Variants in ADGRF4 observed in about 807,000 individuals in gnomAD.
ADGRF4 encodes adhesion G protein-coupled receptor F4.
Under a neutral mutation model 58.5 loss-of-function variants are expected in ADGRF4, and 63 were observed. The observed-to-expected ratio is 1.08, with a 90% CI of 0.88 to 1.33. The LOEUF is 1.33. Among genes scored for constraint, ADGRF4 ranks in the 40% most tolerant of loss-of-function variants. The pLI is 0.00. For missense variants in ADGRF4, 931 were observed against 843.9 expected (o/e 1.10, Z -1.28); for synonymous variants, 313 against 295.4 (o/e 1.06, Z -0.61).
intron 5 of ADGRF4, among the ~76,000 whole-genome samples, chr6:47,713,149 G>A (rs2113903615): frequency 6.6e-6 from 1 of 152,312 alleles, no homozygotes; most frequent in East Asian, 1.9e-4. Flanking sequence ...AGGTGGAACA[G>A]TTTCATCCTG....
In ADGRF4 at chr6:47,714,289, G is replaced by A. The variant is rs764872187; in HGVS notation, c.1044G>A (p.Gln348=). 1.9e-6 allele frequency: 3 copies of A among 1,614,196 alleles called. No homozygotes were observed. The highest frequency in any genetic ancestry group is 1.3e-5 in the African/African-American group (1 of 75,052). Reference sequence around the variant, plus strand: ...ATAAAACCCGCAATGCCAGAGCCCAGTGTGTTGGCTGGCACTCCAAGAAAA... The same window carrying A: ...ATAAAACCCGCAATGCCAGAGCCCAATGTGTTGGCTGGCACTCCAAGAAAA... ...KINKTRNARA[Q]CVGWHSKKRR... is the part of the protein sequence containing the mutation. The change falls in exon 6 of 10, where the codon CAG becomes CAA. Residue 348 remains glutamine, a synonymous_variant. Transcript: ENST00000283303.
chr6:47,708,299 C>A (rs1334684909), intron 3 of ADGRF4, 21 bp downstream of exon 3: 1 of 1,582,066 alleles, frequency 6.3e-7, no homozygotes, highest in Non-Finnish European at 8.7e-7. Flanking sequence ...ATAGAACAGT[C>A]TTCATCCATT....
At position 47,716,815 on chromosome 6, in the gene ADGRF4, A is replaced by G. The variant is rs1002100269; in HGVS notation, c.1942A>G (p.Ile648Val). ...ALLNAFQGFF[I>V]LLFGTIMDHK... The stretch of plus-strand genomic sequence containing the variant: ...TTCAATTTTGCCACAGGGTTTTTTC[A>G]TCCTGCTGTTTGGAACCATTATGGA... Residue 648 changes from isoleucine (I) to valine (V), a missense_variant, in exon 7 of 10, where the codon ATC becomes GTC. Transcript: ENST00000283303. 1.9e-6 allele frequency: 3 copies of G among 1,602,454 alleles called. No individual in the cohort carries two copies. Among genetic ancestry groups the G allele is most frequent in the African/African-American group, 2.7e-5 (2 of 74,360 alleles).
chr6:47,716,521 A>C (rs1465578981), intron 6 of ADGRF4, among the ~76,000 whole-genome samples: 1 of 152,204 alleles, frequency 6.6e-6, no homozygotes, highest in Non-Finnish European at 1.5e-5. Flanking sequence ...TTTGGGAAGA[A>C]AGTAACATAA....
In ADGRF4 at chr6:47,717,181, T is replaced by G. The variant is rs568366121; in HGVS notation, c.1975-111T>G. 1.8e-4 allele frequency: 144 copies of G among 792,970 alleles called. 2 individuals are homozygous for G. The highest frequency in any genetic ancestry group is 1.0e-3 in the South Asian group (75 of 72,862). The allele number at this position is 792,970 out of a possible 1,614,324, so 49.1% of individuals were successfully genotyped here. On this transcript the variant is annotated intron_variant, in intron 7 of 9. Coordinates refer to ENST00000283303, the MANE Select transcript of ADGRF4 (RefSeq NM_153838.5). ...GTTACTTGCCAGTCACTATGCTAAG[T>G]CCTCTGATATTGCTTCTGCCAGGGT... is the stretch of plus-strand genomic sequence containing the variant.
At chr6:47,708,192 A>G (rs1429137719) in intron 2 of ADGRF4, 32 bp from the exon 3 acceptor site, 1 of 1,562,576 alleles carries the variant, frequency 6.4e-7, no homozygotes, top group Admixed American at 1.7e-5. Flanking sequence ...GTCCCACAGT[A>G]AAGAGGACCA....
Position 47,721,240 on chromosome 6 carries a change from CA to C in ADGRF4, c.*37del. On this transcript the variant is annotated 3_prime_UTR_variant, in exon 10 of 10. Coordinates refer to ENST00000283303, the MANE Select transcript of ADGRF4 (RefSeq NM_153838.5). ...CCATTTCTCATGGATGTCCTGAGAC[CA>C]AGAGGGGAGATCCAGGAGAAAGAGG... 1 of 152,192 alleles carries C rather than the reference CA, an allele frequency of 6.6e-6. No individual in the cohort carries two copies. Among genetic ancestry groups the C allele is most frequent in the South Asian group, 2.1e-4 (1 of 4,820 alleles). 9.4% of individuals were successfully genotyped at this position (152,192 alleles called of 1,614,324 possible). A position where few individuals can be genotyped will look rare whatever the true frequency, so the allele number is the denominator to read the frequency against.
chr6:47,718,138 T>C (rs1196156273), intron 8 of ADGRF4, among the ~76,000 whole-genome samples: 1 of 152,220 alleles, frequency 6.6e-6, no homozygotes, highest in African/African-American at 2.4e-5. Flanking sequence ...TTGGAATGTA[T>C]CTTATATTCA....
Position 47,718,433 on chromosome 6 carries a change from T to C in ADGRF4, c.2079T>C (p.Arg693=), listed in dbSNP as rs1772083147. The change falls in exon 9 of 10, where the codon CGT becomes CGC. Residue 693 remains arginine (R), a synonymous_variant. Coordinates refer to ENST00000283303, the MANE Select transcript of ADGRF4 (RefSeq NM_153838.5). ...GPTNGSKLMN[R]QG ...CCAATGGATCTAAATTAATGAATCG[T>C]CAAGGATGAAATGTGAGTATTAAAA... 2 of 1,575,886 alleles carry C rather than the reference T, an allele frequency of 1.3e-6. No homozygotes were observed. Among genetic ancestry groups the C allele is most frequent in the Non-Finnish European group, 1.7e-6 (2 of 1,145,156 alleles).
chr6:47,716,944 A>C (rs1357752072), intron 7 of ADGRF4, 97 bp downstream of exon 7: 1 of 825,380 alleles, frequency 1.2e-6, no homozygotes, highest in Non-Finnish European at 2.0e-6. Context: ...ACTCCAGGGG[A>C]GTTGAGTTTG....
At chr6:47,716,341 T>TC (rs750681981) in intron 6 of ADGRF4, among the ~76,000 whole-genome samples, 1 of 152,134 alleles carries the variant, frequency 6.6e-6, no homozygotes, top group Non-Finnish European at 1.5e-5. Context: ...GTTTTTTTTT[T>TC]CCACCAGCTT....
chr6:47,717,108 A>G lies in ADGRF4; in HGVS notation c.1975-184A>G, dbSNP rs552680672. ...TAATCACAATTTTAGTCCTAATACCAAATCCCAAATCTAATTATAATTACA... is the reference window on the plus strand; with the variant it reads ...TAATCACAATTTTAGTCCTAATACCGAATCCCAAATCTAATTATAATTACA... On this transcript the variant is annotated intron_variant, in intron 7 of 9. Coordinates refer to ENST00000283303, the MANE Select transcript of ADGRF4 (RefSeq NM_153838.5). Among the ~76,000 whole-genome samples, 3 of 152,320 alleles carry G rather than the reference A, an allele frequency of 2.0e-5. No individual in the cohort carries two copies. In the East Asian group the frequency reaches 5.8e-4, roughly 29 times the overall value.
intron 5 of ADGRF4, 38 bp downstream of exon 5, chr6:47,712,646 T>A: frequency 1.3e-6 from 2 of 1,500,930 alleles, no homozygotes; most frequent in Non-Finnish European, 1.8e-6. Context: ...ATGTTTTTCT[T>A]AAAATTTTCA....
At position 47,713,897 on chromosome 6, in the gene ADGRF4, G is replaced by C. The variant is rs745350550; in HGVS notation, c.652G>C (p.Val218Leu). 6.2e-7 allele frequency: 1 copy of C among 1,609,624 alleles called. No individual in the cohort carries two copies. The highest frequency in any genetic ancestry group is 8.5e-7 in the Non-Finnish European group (1 of 1,178,316). Reference protein sequence around the residue: ...KNASSDLLQSVNLFARQLHIH... With the variant: ...KNASSDLLQSLNLFARQLHIH... ...TGCCAGCTCGGATTTGTTGCAGTCA[G>C]TGAATTTGTTTGCCAGACAACTCCA... The change falls in exon 6 of 10, where the codon GTG (valine) becomes CTG (leucine). Residue 218 changes from valine to leucine, a missense_variant. By Grantham distance (32) the Val-to-Leu change is conservative. Transcript: ENST00000283303.
At chr6:47,712,795 T>G (rs952580834) in intron 5 of ADGRF4, among the ~76,000 whole-genome samples, 187 bp downstream of exon 5, 6 of 152,214 alleles carry the variant, frequency 3.9e-5, no homozygotes, top group Non-Finnish European at 7.3e-5. Flanking sequence ...TAAAACATTT[T>G]TAATACCTAT....
In ADGRF4 at chr6:47,714,076, G is replaced by T; in HGVS notation, c.831G>T (p.Arg277Ser). The change falls in exon 6 of 10, where the codon AGG (arginine) becomes AGT (serine). Residue 277 changes from arginine to serine, a missense_variant. Coordinates refer to ENST00000283303, the MANE Select transcript of ADGRF4 (RefSeq NM_153838.5). ...TCTTAGGAATGGTACAGATTCCCAG[G>T]CAAGAGCTAAGGAAGCTGTGGCCAA... ...EDILGMVQIP[R>S]QELRKLWPNA... 1 of 1,613,980 alleles carries T rather than the reference G, an allele frequency of 6.2e-7. No homozygotes were observed.
At chr6:47,715,348 C>G (rs973895595) in intron 6 of ADGRF4, 171 bp downstream of exon 6, 1 of 567,776 alleles carries the variant, frequency 1.8e-6, no homozygotes. Context: ...ATTTAGCTGA[C>G]CAGGGTGGTT....
At chr6:47,713,077 G>A (rs1433242801) in intron 5 of ADGRF4, among the ~76,000 whole-genome samples, 1 of 152,182 alleles carries the variant, frequency 6.6e-6, no homozygotes, top group Non-Finnish European at 1.5e-5. Context: ...CTTATTGTGA[G>A]CTGCCTATGA....
At chr6:47,706,247 A>G (rs1339867072) in intron 1 of ADGRF4, among the ~76,000 whole-genome samples, 1 of 152,174 alleles carries the variant, frequency 6.6e-6, no homozygotes, top group Non-Finnish European at 1.5e-5. Context: ...ATAAATCTCA[A>G]CTGTTGTAAG....
Sources: gnomAD v4.1 joint callset for allele counts (sites outside exome capture counted in the v4.1 genomes callset) on GRCh38, gnomAD v4.1.1 for gene constraint, MANE v1.5 for transcripts, NCBI Gene and HGNC (gene_info 2026-07-23, HGNC 2026-07-21) for gene names.